CLEC16A: variants seen among roughly 807,000 people sequenced by gnomAD.
CLEC16A encodes C-type lectin domain containing 16A.
Under a neutral mutation model 109.5 loss-of-function variants are expected in CLEC16A, and 51 were observed. That is an observed-to-expected ratio of 0.47 (90% CI 0.37 to 0.59). The LOEUF is 0.59. CLEC16A is among the 20% of genes least tolerant of loss of function. The pLI is 0.00. For missense variants in CLEC16A, 1,339 were observed against 1,394.0 expected (o/e 0.96, Z 0.63); for synonymous variants, 673 against 564.2 (o/e 1.19, Z -2.73).
chr16:11,024,771 G>A, intron 12 of CLEC16A, 50 bp from the exon 13 acceptor site: 2 of 1,426,434 alleles, frequency 1.4e-6, no homozygotes, highest in Non-Finnish European at 1.9e-6. Context: ...GAGGGGAGGT[G>A]TTCACCCTTG....
chr16:10,959,784 A>T (rs889069292), intron 2 of CLEC16A, among the ~76,000 whole-genome samples: 27 of 142,006 alleles, frequency 1.9e-4, no homozygotes, highest in Middle Eastern at 7.6e-3. Flanking sequence ...GAATGGACTT[A>T]TTTTTTTTTT....
At chr16:11,058,097 T>G (rs1279843262) in intron 18 of CLEC16A, among the ~76,000 whole-genome samples, 1 of 152,226 alleles carries the variant, frequency 6.6e-6, no homozygotes, top group Admixed American at 6.5e-5. Flanking sequence ...TACCAGGCCC[T>G]TATAACCCCC....
At chr16:10,963,991 C>G (rs1169940375) in intron 3 of CLEC16A, among the ~76,000 whole-genome samples, 1 of 152,218 alleles carries the variant, frequency 6.6e-6, no homozygotes, top group African/African-American at 2.4e-5. Flanking sequence ...CTTTGTTATT[C>G]CAAGGTGACT....
intron 18 of CLEC16A, among the ~76,000 whole-genome samples, chr16:11,052,394 G>A (rs747094795): frequency 6.6e-5 from 10 of 152,282 alleles, no homozygotes; most frequent in African/African-American, 2.4e-4. Flanking sequence ...TGTGACAGAG[G>A]TGTTTCACTT....
At chr16:11,050,523 C>T (rs973947413) in intron 17 of CLEC16A, among the ~76,000 whole-genome samples, 1 of 152,238 alleles carries the variant, frequency 6.6e-6, no homozygotes, top group Non-Finnish European at 1.5e-5. Flanking sequence ...GCTTACCCTT[C>T]GTCTGTGAAG....
chr16:11,098,282 C>G (rs1192364529), intron 19 of CLEC16A, among the ~76,000 whole-genome samples: 1 of 152,356 alleles, frequency 6.6e-6, no homozygotes, highest in East Asian at 1.9e-4. Flanking sequence ...AGCCCCATCT[C>G]CAAGGAACGG....
At position 10,982,880 on chromosome 16, in the gene CLEC16A, C is replaced by G; in HGVS notation, c.960C>G (p.Val320=). The G allele has an allele frequency of 6.3e-7, 1 of 1,578,494 alleles. No homozygotes were observed. The highest frequency in any genetic ancestry group is 8.7e-7 in the Non-Finnish European group (1 of 1,148,194). The change falls in exon 10 of 24, where the codon GTC becomes GTG. Residue 320 remains valine, a splice_region_variant and synonymous_variant. Coordinates refer to ENST00000409790, the MANE Select transcript of CLEC16A (RefSeq NM_015226.3). ...CCCGTTTCTTTTTTTTCCGCCAGGTCTTCTTAATTATACATCATGCACCGC... is the reference window on the plus strand; with the variant it reads ...CCCGTTTCTTTTTTTTCCGCCAGGTGTTCTTAATTATACATCATGCACCGC... The part of the protein sequence containing the change: ...LPVSLYLLSQ[V]FLIIHHAPLV...
At chr16:11,000,423 C>CTT (rs1385181087) in intron 10 of CLEC16A, among the ~76,000 whole-genome samples, 1 of 152,194 alleles carries the variant, frequency 6.6e-6, no homozygotes, top group Non-Finnish European at 1.5e-5. Flanking sequence ...CGCTTGGTCT[C>CTT]TATTTTCTGT....
At chr16:11,031,223 A>C (rs1325745951) in intron 13 of CLEC16A, among the ~76,000 whole-genome samples, 1 of 152,198 alleles carries the variant, frequency 6.6e-6, no homozygotes, top group Non-Finnish European at 1.5e-5. Context: ...CACGTCCCCA[A>C]GGCCATCTCT....
chr16:11,178,830 C>A lies in CLEC16A; in HGVS notation c.*140C>A. ...TCTCAACCACCTATCCCTGCGCTCC[C>A]TTGAATGGGAAGAAGCCCCACGTTG... On this transcript the variant is annotated 3_prime_UTR_variant, in exon 24 of 24. Coordinates refer to ENST00000409790, the MANE Select transcript of CLEC16A (RefSeq NM_015226.3). The surrounding 1 kb of genome is among the most constrained non-coding windows in gnomAD (Gnocchi z 6.5). The A allele has an allele frequency of 1.6e-6, 1 of 617,396 alleles. No individual in the cohort carries two copies. Among genetic ancestry groups the A allele is most frequent in the South Asian group, 2.3e-5 (1 of 43,810 alleles). 38.2% of individuals were successfully genotyped at this position (617,396 alleles called of 1,614,324 possible).
In CLEC16A at chr16:11,166,399, G is replaced by A. The variant is rs1315364894; in HGVS notation, c.2653G>A (p.Ala885Thr). The A allele has an allele frequency of 1.2e-6, 2 of 1,601,020 alleles. No individual in the cohort carries two copies. Among genetic ancestry groups the A allele is most frequent in the South Asian group, 1.1e-5 (1 of 90,642 alleles). ...ACTTTGTCTTGCAGGCTTCGCCGTG[G>A]CCCAGTGCATAAACCAGCACAGCTC... ...SVDKVPGFAV[A>T]QCINQHSSPS... Residue 885 changes from alanine (A) to threonine (T), a missense_variant, in exon 23 of 24, where the codon GCC becomes ACC. Transcript: ENST00000409790.
intron 19 of CLEC16A, among the ~76,000 whole-genome samples, chr16:11,072,665 T>C (rs984929777): frequency 1.3e-5 from 2 of 152,200 alleles, no homozygotes; most frequent in African/African-American, 4.8e-5. Flanking sequence ...TAATAGTGCC[T>C]ACCTCAGGAC....
chr16:11,061,082 C>T (rs1402125066), intron 19 of CLEC16A, 60 bp downstream of exon 19: 5 of 1,508,158 alleles, frequency 3.3e-6, no homozygotes, highest in Non-Finnish European at 4.4e-6. Flanking sequence ...TGGGACACCA[C>T]TCTGCTGATT....
At chr16:11,073,965 C>T (rs1222064556) in intron 19 of CLEC16A, among the ~76,000 whole-genome samples, 1 of 152,192 alleles carries the variant, frequency 6.6e-6, no homozygotes, top group Non-Finnish European at 1.5e-5. Flanking sequence ...GATGTTTGTT[C>T]ATCATTAACA....
chr16:10,982,737 A>G, intron 9 of CLEC16A, 141 bp from the exon 10 acceptor site: 1 of 585,720 alleles, frequency 1.7e-6, no homozygotes, highest in Non-Finnish European at 3.1e-6. Flanking sequence ...CCTGTGGCTC[A>G]TTCTTTGAAT....
intron 22 of CLEC16A, among the ~76,000 whole-genome samples, chr16:11,161,584 A>G (rs80298518): frequency 0.013 from 1,939 of 152,268 alleles, 45 homozygotes; most frequent in African/African-American, 0.045. Flanking sequence ...GACTCGAAAG[A>G]TATCTGGGGG....
chr16:11,067,189 GTTTT>G (rs71406205), intron 19 of CLEC16A, among the ~76,000 whole-genome samples: 8 of 98,972 alleles, frequency 8.1e-5, no homozygotes, highest in East Asian at 6.1e-4. Context: ...GTTTGTTTTT[GTTTT>G]TTTTTTTTTT....
In CLEC16A at chr16:10,972,535, C is replaced by A; in HGVS notation, c.599-19C>A. On this transcript the variant is annotated intron_variant, in intron 5 of 23. Transcript: ENST00000409790. ...TTTTGCTTTTCCTTCAATGACGATT[C>A]CTGTGTTCCTTATTCCAGTGTCATG... 6.2e-7 allele frequency: 1 copy of A among 1,612,206 alleles called. No homozygotes were observed. The highest frequency in any genetic ancestry group is 8.5e-7 in the Non-Finnish European group (1 of 1,178,642).
intron 1 of CLEC16A, among the ~76,000 whole-genome samples, chr16:10,952,843 A>G (rs1296646214): frequency 6.6e-6 from 1 of 152,260 alleles, no homozygotes; most frequent in Non-Finnish European, 1.5e-5. Context: ...GCATAAAAAA[A>G]TGTCGACTAC....
Sources: gnomAD v4.1 joint callset for allele counts (sites outside exome capture counted in the v4.1 genomes callset) on GRCh38, gnomAD v4.1.1 for gene constraint, Gnocchi (gnomAD v3.1) non-coding constraint, MANE v1.5 for transcripts, NCBI Gene and HGNC (gene_info 2026-07-23, HGNC 2026-07-21) for gene names.